Variants in MGAT4D observed in about 807,000 individuals in gnomAD.
The protein encoded by MGAT4D is MGAT4 family member D.
Under a neutral mutation model 15.9 loss-of-function variants are expected in MGAT4D, and 34 were observed. That is an observed-to-expected ratio of 2.14 (90% confidence interval 1.62 to 2.84). The LOEUF (loss-of-function observed/expected upper bound fraction) is 2.84. Among genes scored for constraint, MGAT4D ranks in the 30% most tolerant of loss-of-function variants. The probability of loss-of-function intolerance (pLI) is 0.00; values close to 1 mark genes in which losing one functional copy is unlikely to be tolerated. For missense variants in MGAT4D, 327 were observed against 140.2 expected (o/e 2.33, Z -6.73); for synonymous variants, 112 against 48.2 (o/e 2.33, Z -5.49).
chr4:140,459,799 CTTTT>C (rs576574327), intron 7 of MGAT4D, among the ~76,000 whole-genome samples, 173 bp from the exon 8 acceptor site: 5 of 109,052 alleles, frequency 4.6e-5, no homozygotes, highest in Admixed American at 1.0e-4. Context: ...AGTTGATTTC[CTTTT>C]TTTTTTTTTT....
intron 1 of MGAT4D, among the ~76,000 whole-genome samples, chr4:140,496,305 A>C (rs185235630): frequency 6.6e-6 from 1 of 152,212 alleles, no homozygotes; most frequent in Non-Finnish European, 1.5e-5. Flanking sequence ...GGCATACCTA[A>C]AAAATGAAAA....
chr4:140,486,609 T>A (rs1219104031), intron 1 of MGAT4D, among the ~76,000 whole-genome samples: 2 of 152,206 alleles, frequency 1.3e-5, no homozygotes, highest in Admixed American at 1.3e-4. Context: ...GCTTTCATGT[T>A]TCACTCCAGA....
rs575399785 is a variant in MGAT4D at position 140,478,403 on chromosome 4, C to T, written c.391+1087G>A. On this transcript the variant is annotated intron_variant, in intron 3 of 10. Coordinates refer to ENST00000511113, the MANE Select transcript of MGAT4D (RefSeq NM_001277353.2). ...TCATTTCTATGCATTGTTTTTCTTG[C>T]GTGTGTCTTTCAACTTTTCCTCATC... Among the ~76,000 whole-genome samples the T allele has an allele frequency of 8.5e-5, 13 of 152,070 alleles. No homozygotes were observed. In the South Asian group the frequency reaches 2.3e-3, roughly 27 times the overall value.
At chr4:140,445,866 T>C (rs1730088696) in intron 10 of MGAT4D, among the ~76,000 whole-genome samples, 1 of 151,960 alleles carries the variant, frequency 6.6e-6, no homozygotes. Flanking sequence ...TTCTGGGCTC[T>C]CTATTTTGTT....
intron 1 of MGAT4D, among the ~76,000 whole-genome samples, chr4:140,493,489 G>C (rs1733641791): frequency 6.6e-6 from 1 of 151,796 alleles, no homozygotes; most frequent in Non-Finnish European, 1.5e-5. Flanking sequence ...TAGAGATGGG[G>C]TTTCACTGTG....
intron 7 of MGAT4D, among the ~76,000 whole-genome samples, chr4:140,460,009 T>A (rs1731067985): frequency 6.6e-6 from 1 of 151,998 alleles, no homozygotes; most frequent in South Asian, 2.1e-4. Context: ...TGGGCTCAAG[T>A]GAGCCTCCCG....
At chr4:140,495,941 G>T (rs551729048) in intron 1 of MGAT4D, among the ~76,000 whole-genome samples, 17 of 152,216 alleles carry the variant, frequency 1.1e-4, no homozygotes, top group Middle Eastern at 6.8e-3. Context: ...CACCATGTTG[G>T]CCTGGCTGGT....
At position 140,485,810 on chromosome 4, in the gene MGAT4D, T is replaced by TAA. The variant is rs61131099; in HGVS notation, c.95-3327_95-3326dup. On this transcript the variant is annotated intron_variant, in intron 1 of 10. Transcript: ENST00000511113. The stretch of plus-strand genomic sequence containing the variant: ...TGAGCAACAGAGCAAGACCCTGTCT[T>TAA]AAAAAAAAAAAAAAAAAAAAAAAAA... Among the ~76,000 whole-genome samples, 2 of 13,026 alleles carry TAA rather than the reference T, an allele frequency of 1.5e-4. 1 individual carries two copies. Among genetic ancestry groups the TAA allele is most frequent in the African/African-American group, 5.5e-4 (2 of 3,644 alleles). The allele number at this position is 13,026 out of a possible 152,430, so 8.5% of individuals were successfully genotyped here.
intron 1 of MGAT4D, among the ~76,000 whole-genome samples, chr4:140,486,844 T>TA (rs542526090): frequency 2.1e-3 from 320 of 152,330 alleles, no homozygotes; most frequent in African/African-American, 7.4e-3. Flanking sequence ...ATATTGTAGA[T>TA]ACTATTTGAA....
At chr4:140,462,648 C>G (rs1731268676) in intron 6 of MGAT4D, 1 of 152,206 alleles carries the variant, frequency 6.6e-6, no homozygotes, top group African/African-American at 2.4e-5. Context: ...AATGCGTGAG[C>G]ACACATTGCC....
chr4:140,448,001 T>C (rs896583350), intron 10 of MGAT4D, among the ~76,000 whole-genome samples: 3 of 152,200 alleles, frequency 2.0e-5, no homozygotes, highest in Admixed American at 6.5e-5. Flanking sequence ...TGGTTGAAGA[T>C]ATTTTTTCTT....
chr4:140,484,204 T>C (rs561367175), intron 1 of MGAT4D, among the ~76,000 whole-genome samples: 1 of 151,536 alleles, frequency 6.6e-6, no homozygotes, highest in Non-Finnish European at 1.5e-5. Context: ...ACTCAAACAA[T>C]AGCAAAAAAA....
intron 4 of MGAT4D, among the ~76,000 whole-genome samples, chr4:140,473,620 A>ACCTTGGAC (rs1732117019): frequency 6.6e-6 from 1 of 152,168 alleles, no homozygotes; most frequent in South Asian, 2.1e-4. Context: ...TGACATTTTA[A>ACCTTGGAC]CCTTGGACTT....
intron 5 of MGAT4D, among the ~76,000 whole-genome samples, chr4:140,470,843 T>A (rs184101863): frequency 6.6e-6 from 1 of 152,148 alleles, no homozygotes; most frequent in East Asian, 1.9e-4. Flanking sequence ...TTATTCCCCA[T>A]CACCACTAGG....
At chr4:140,482,000 T>A (rs774772806) in intron 2 of MGAT4D, among the ~76,000 whole-genome samples, 15 of 152,170 alleles carry the variant, frequency 9.9e-5, no homozygotes, top group Non-Finnish European at 2.1e-4. Context: ...GAATGGTGAA[T>A]CAACCAGGAT....
chr4:140,448,278 A>G (rs1255192519), intron 10 of MGAT4D, among the ~76,000 whole-genome samples: 1 of 152,148 alleles, frequency 6.6e-6, no homozygotes. Context: ...TTTCATGGAC[A>G]ATATACTGAA....
chr4:140,473,302 G>A (rs73856618), intron 4 of MGAT4D, among the ~76,000 whole-genome samples: 13,003 of 151,882 alleles, frequency 0.086, 558 homozygotes, highest in South Asian at 0.11. Context: ...AATGACTATC[G>A]AGTATTGCAT....
chr4:140,480,282 C>T (rs561239670), intron 2 of MGAT4D, among the ~76,000 whole-genome samples: 2 of 152,148 alleles, frequency 1.3e-5, no homozygotes, highest in Admixed American at 6.5e-5. Flanking sequence ...TGGACATCTA[C>T]ATGGAAAAAA....
chr4:140,493,592 G>A (rs1484292073), intron 1 of MGAT4D, among the ~76,000 whole-genome samples: 1 of 152,050 alleles, frequency 6.6e-6, no homozygotes, highest in Non-Finnish European at 1.5e-5. Flanking sequence ...ACCGTGCCTG[G>A]CCTGTTCCTT....
Sources: allele counts gnomAD v4.1 joint callset (sites outside exome capture counted in the v4.1 genomes callset), GRCh38; gene constraint gnomAD v4.1.1; transcripts MANE v1.5; gene names NCBI Gene and HGNC (gene_info 2026-07-23, HGNC 2026-07-21).